A2ML1: variants seen among roughly 807,000 people sequenced by gnomAD.
A2ML1 encodes alpha-2-macroglobulin-like protein 1.
A neutral mutation model predicts 181.9 loss-of-function variants in A2ML1; 161 were observed. The ratio of observed to expected loss-of-function variants is 0.89; its 90% CI spans 0.78 to 1.01. The LOEUF (loss-of-function observed/expected upper bound fraction) is 1.01, where lower values mean the gene tolerates loss of function less well. Ranked by LOEUF, A2ML1 falls within the 50% of genes least tolerant of loss-of-function variation. The probability of loss-of-function intolerance (pLI) is 0.00; values close to 1 mark genes in which losing one functional copy is unlikely to be tolerated. For missense variants in A2ML1, 1,670 were observed against 1,768.1 expected, an observed-to-expected ratio of 0.94 and a Z score of 1.00; for synonymous variants, 663 against 666.8, an observed-to-expected ratio of 0.99 and a Z score of 0.09.
chr12:8,885,048 A>C (rs760268779), intron 7 of A2ML1, among the ~76,000 whole-genome samples: 1 of 152,266 alleles, frequency 6.6e-6, no homozygotes, highest in South Asian at 2.1e-4. Flanking sequence ...CAGTAATGGG[A>C]TTGCTGGCTT....
chr12:8,869,144 C>A lies in A2ML1; in HGVS notation c.4162C>A (p.Gln1388Lys), dbSNP rs376711746. The A allele has an allele frequency of 5.6e-6, 9 of 1,613,944 alleles. No homozygotes were observed. The highest frequency in any genetic ancestry group is 6.8e-6 in the Non-Finnish European group (8 of 1,179,994). ...MEGTNQLLLQ[Q>K]PLVKKVEFGT... Reference sequence around the variant, plus strand: ...TCCCTCTCTTATTCAGCTTCTCCAGCAACCCCTGGTGAAGAAGGTTGAATT... The same window carrying A: ...TCCCTCTCTTATTCAGCTTCTCCAGAAACCCCTGGTGAAGAAGGTTGAATT... Residue 1388 changes from glutamine to lysine, a missense_variant, in exon 33 of 36, where the codon CAA becomes AAA. Gln to Lys is a moderately conservative substitution (Grantham distance 53). Transcript: ENST00000299698.
At chr12:8,834,020 C>A (rs1165705106) in intron 4 of A2ML1, among the ~76,000 whole-genome samples, 3 of 151,912 alleles carry the variant, frequency 2.0e-5, no homozygotes, top group South Asian at 2.1e-4. Flanking sequence ...CTTTTGAATA[C>A]CTTTGCAGTC....
At chr12:8,875,614 T>C (rs1008922974) in intron 35 of A2ML1, 1 of 151,734 alleles carries the variant, frequency 6.6e-6, no homozygotes, top group African/African-American at 2.4e-5. Context: ...TTTTTTTGTA[T>C]TTTTAATAGA....
At chr12:8,824,870 T>C (rs1301930283) in intron 3 of A2ML1, among the ~76,000 whole-genome samples, 3 of 152,248 alleles carry the variant, frequency 2.0e-5, no homozygotes, top group Non-Finnish European at 4.4e-5. Flanking sequence ...TTTATTTTAC[T>C]TAACATAATG....
intron 21 of A2ML1, 39 bp downstream of exon 21, chr12:8,854,288 G>T: frequency 6.4e-7 from 1 of 1,552,816 alleles, no homozygotes; most frequent in Non-Finnish European, 8.7e-7. Flanking sequence ...AACCAACCGA[G>T]GGATGCTCAG....
At chr12:8,848,134 C>CAAAAAA (rs755571563) in intron 15 of A2ML1, among the ~76,000 whole-genome samples, 5 of 93,306 alleles carry the variant, frequency 5.4e-5, no homozygotes, top group South Asian at 3.4e-4. Context: ...GTCTCAAAAA[C>CAAAAAA]AAAAAAAAAA....
At chr12:8,872,448 AACTC>A (rs1944658716) in intron 33 of A2ML1, among the ~76,000 whole-genome samples, 1 of 152,074 alleles carries the variant, frequency 6.6e-6, no homozygotes, top group South Asian at 2.1e-4. Context: ...AATGATAATA[AACTC>A]ACTACATCTT....
At chr12:8,837,943 CA>C (rs934187065) in intron 8 of A2ML1, among the ~76,000 whole-genome samples, 1 of 146,604 alleles carries the variant, frequency 6.8e-6, no homozygotes, top group Non-Finnish European at 1.5e-5. Flanking sequence ...CGTAAGGAAG[CA>C]ACAATCTAGA....
At chr12:8,861,819 G>A (rs1240435274) in intron 28 of A2ML1, among the ~76,000 whole-genome samples, 2 of 150,932 alleles carry the variant, frequency 1.3e-5, no homozygotes, top group East Asian at 3.9e-4. Flanking sequence ...GAGTGCAATG[G>A]CGTGATCTCA....
chr12:8,886,509 T>C (rs781641912), exon 8 of A2ML1: 1 of 152,222 alleles, frequency 6.6e-6, no homozygotes, highest in Non-Finnish European at 1.5e-5. Context: ...TTCCTTAGGT[T>C]CTTTTAAATT....
chr12:8,860,683 T>G (rs1344490529), intron 26 of A2ML1, among the ~76,000 whole-genome samples, 198 bp from the exon 27 acceptor site: 1 of 152,176 alleles, frequency 6.6e-6, no homozygotes, highest in East Asian at 1.9e-4. Context: ...TGTGCAGTTA[T>G]GAAGTCCAAA....
chr12:8,835,709 C>A, intron 6 of A2ML1, 43 bp downstream of exon 6: 1 of 1,608,500 alleles, frequency 6.2e-7, no homozygotes, highest in South Asian at 1.1e-5. Flanking sequence ...GGCATAATCT[C>A]ATCTTAAAAT....
chr12:8,864,209 T>G lies in A2ML1; in HGVS notation c.3717+201T>G, dbSNP rs58475006. ...AGATGTATTTAATTTTCTTTTTTTT[T>G]TTGTTGAATGTGAAACATTGGGGCC... On this transcript the variant is annotated intron_variant, in intron 29 of 35. Transcript: ENST00000299698. Among the ~76,000 whole-genome samples the G allele has an allele frequency of 0.94, 141,175 of 150,224 alleles. 66,985 individuals are homozygous for G. Among genetic ancestry groups the G allele is most frequent in the East Asian group, 1 (5,102 of 5,102 alleles).
chr12:8,841,595 C>T, intron 11 of A2ML1, 59 bp downstream of exon 11: 2 of 1,545,490 alleles, frequency 1.3e-6, no homozygotes, highest in Non-Finnish European at 1.8e-6. Flanking sequence ...AGGAAAACTT[C>T]AGAATTTTCC....
At chr12:8,860,754 CTTTCT>C in intron 26 of A2ML1, 122 bp from the exon 27 acceptor site, 3 of 798,852 alleles carry the variant, frequency 3.8e-6, no homozygotes, top group Non-Finnish European at 4.1e-6. Context: ...GAAAAAAGAG[CTTTCT>C]TTTCTTTTTT....
intron 17 of A2ML1, 145 bp from the exon 18 acceptor site, chr12:8,850,015 T>C: frequency 1.4e-6 from 1 of 718,248 alleles, no homozygotes. Context: ...GACTAGTTAG[T>C]TCCTCTTTGG....
At position 8,868,219 on chromosome 12, in the gene A2ML1, C is replaced by A. The variant is rs1202151410; in HGVS notation, c.3934-11C>A. 3 of 1,613,644 alleles carry A rather than the reference C, an allele frequency of 1.9e-6. No individual in the cohort carries two copies. Among genetic ancestry groups the A allele is most frequent in the Admixed American group, 1.7e-5 (1 of 59,886 alleles). ...CCAAGTCTGATTTGGCTACCTATTT[C>A]TTCCTACCAGACGGTGTTGAGATAC... On this transcript the variant is annotated splice_polypyrimidine_tract_variant and intron_variant, in intron 30 of 35. Coordinates refer to ENST00000299698, the MANE Select transcript of A2ML1 (RefSeq NM_144670.6).
intron 25 of A2ML1, 34 bp from the exon 26 acceptor site, chr12:8,857,912 T>C: frequency 6.2e-7 from 1 of 1,605,384 alleles, no homozygotes; most frequent in African/African-American, 1.3e-5. Context: ...TGGAAATTCC[T>C]CTTCATGCCA....
At chr12:8,842,418 A>G (rs1827103851) in intron 11 of A2ML1, among the ~76,000 whole-genome samples, 1 of 151,832 alleles carries the variant, frequency 6.6e-6, no homozygotes, top group African/African-American at 2.4e-5. Context: ...ATGGGGTTTC[A>G]CTGTGTTAGC....
Sources: gnomAD v4.1 joint callset for allele counts (sites outside exome capture counted in the v4.1 genomes callset) on GRCh38, gnomAD v4.1.1 for gene constraint, MANE v1.5 for transcripts, NCBI Gene and HGNC (gene_info 2026-07-23, HGNC 2026-07-21) for gene names.